LYRM4: variants seen among roughly 807,000 people sequenced by gnomAD.
The protein encoded by LYRM4 is LYR motif containing 4.
LYRM4 carries 9 observed loss-of-function variants against 11.7 expected under a neutral mutation model. The ratio of observed to expected loss-of-function variants is 0.77; its 90% CI spans 0.46 to 1.34. The LOEUF (loss-of-function observed/expected upper bound fraction) is 1.34. Ranked by LOEUF, LYRM4 falls within the 40% of genes most tolerant of loss-of-function variation. The probability of loss-of-function intolerance (pLI) is 0.00; values close to 1 mark genes in which losing one functional copy is unlikely to be tolerated. For synonymous variants in LYRM4, 42 were observed against 40.4 expected (o/e 1.04, Z -0.15); for missense variants, 133 against 112.5 (o/e 1.18, Z -0.82).
At chr6:5,057,823 G>T in the LYRM4 span, among the ~76,000 whole-genome samples, 1 of 151,658 alleles carries the variant, frequency 6.6e-6, no homozygotes, top group Non-Finnish European at 1.5e-5. Flanking sequence ...GTGCAGTGGT[G>T]CAATCATAGC....
rs1487960908 is a variant in LYRM4, at chr6:5,138,663, C to T, written c.208-29172G>A. On this transcript the variant is annotated intron_variant, in intron 2 of 2. Transcript: ENST00000330636. ...ATATTAAGGAATTCTAACATGCTCC[C>T]CACTGAAAACACAAGAAAATATCAA... 4.9e-6 allele frequency: 7 copies of T among 1,434,378 alleles called. No individual in the cohort carries two copies. The African/African-American group carries it at 7.1e-5, about 15-fold the overall frequency. The allele number at this position is 1,434,378 out of a possible 1,614,324, so 88.9% of individuals were successfully genotyped here. A position where few individuals can be genotyped will look rare whatever the true frequency, so the allele number is the denominator to read the frequency against.
At chr6:5,248,903 T>A (rs927563917) in intron 1 of LYRM4, among the ~76,000 whole-genome samples, 2 of 152,242 alleles carry the variant, frequency 1.3e-5, no homozygotes, top group Non-Finnish European at 2.9e-5. Context: ...AGGTACCCAA[T>A]AAATGTTTGC....
chr6:5,251,218 G>A (rs1459824429), intron 1 of LYRM4, among the ~76,000 whole-genome samples: 1 of 152,214 alleles, frequency 6.6e-6, no homozygotes, highest in Non-Finnish European at 1.5e-5. Flanking sequence ...ATATTAGGAA[G>A]AAATGGATTT....
the LYRM4 span, among the ~76,000 whole-genome samples, chr6:5,047,694 G>A: frequency 6.6e-6 from 1 of 152,248 alleles, no homozygotes; most frequent in African/African-American, 2.4e-5. Context: ...CCCTGCCTTG[G>A]TGGGAGTGAC....
intron 1 of LYRM4, among the ~76,000 whole-genome samples, chr6:5,231,869 A>G (rs1472176615): frequency 2.0e-5 from 3 of 152,220 alleles, no homozygotes; most frequent in Non-Finnish European, 4.4e-5. Context: ...GTAGGTCAAA[A>G]TATTTCCATG....
intron 1 of LYRM4, among the ~76,000 whole-genome samples, chr6:5,225,165 G>A (rs575010297): frequency 1.2e-4 from 18 of 148,958 alleles, no homozygotes; most frequent in South Asian, 8.5e-4. Context: ...GGAGAATGGC[G>A]TGAACCTGGG....
chr6:5,050,232 T>C, the LYRM4 span, among the ~76,000 whole-genome samples: 5 of 152,244 alleles, frequency 3.3e-5, no homozygotes, highest in Non-Finnish European at 5.9e-5. Context: ...TGGCTAATTT[T>C]AGCTCTTAGC....
intron 1 of LYRM4, among the ~76,000 whole-genome samples, chr6:5,227,429 C>G (rs1762957667): frequency 6.6e-6 from 1 of 152,126 alleles, no homozygotes; most frequent in South Asian, 2.1e-4. Context: ...GCAAATTGTA[C>G]AGAGAGTAGA....
At chr6:5,081,264 GA>G in the LYRM4 span, among the ~76,000 whole-genome samples, 1 of 152,040 alleles carries the variant, frequency 6.6e-6, no homozygotes. Context: ...GTCTCCGGGA[GA>G]AAGCTTAGGG....
intron 1 of LYRM4, among the ~76,000 whole-genome samples, chr6:5,242,440 C>A (rs1037938037): frequency 2.0e-5 from 3 of 150,674 alleles, no homozygotes; most frequent in African/African-American, 7.3e-5. Flanking sequence ...ATACATGAGG[C>A]TGGGCACAGT....
the LYRM4 span, chr6:5,086,096 C>T: frequency 1.4e-6 from 2 of 1,467,108 alleles, no homozygotes; most frequent in Non-Finnish European, 1.8e-6. Flanking sequence ...TTCCAGCTCC[C>T]GGGGCCGAGC....
chr6:5,113,536 G>A (rs1250045660), intron 2 of LYRM4: 1 of 281,496 alleles, frequency 3.6e-6, no homozygotes, highest in Non-Finnish European at 7.1e-6. Flanking sequence ...ACCCACCCTT[G>A]CAAGTTCAAG....
intron 1 of LYRM4, among the ~76,000 whole-genome samples, chr6:5,233,988 C>T (rs901322953): frequency 1.3e-5 from 2 of 152,240 alleles, no homozygotes; most frequent in African/African-American, 4.8e-5. Flanking sequence ...CTACAGCCTG[C>T]CCTTTCACCC....
the LYRM4 span, among the ~76,000 whole-genome samples, chr6:5,059,973 A>G: frequency 3.3e-5 from 5 of 152,014 alleles, no homozygotes; most frequent in South Asian, 8.3e-4. Flanking sequence ...GCTTTAATCT[A>G]TCTTTTGTCA....
intron 2 of LYRM4, among the ~76,000 whole-genome samples, chr6:5,116,730 C>T (rs930942213): frequency 6.6e-6 from 1 of 152,162 alleles, no homozygotes; most frequent in Non-Finnish European, 1.5e-5. Flanking sequence ...GCATTAGAGT[C>T]CATTGGAAAA....
chr6:5,133,440 CA>C (rs1764047856), intron 2 of LYRM4, among the ~76,000 whole-genome samples: 7 of 152,136 alleles, frequency 4.6e-5, no homozygotes, highest in Admixed American at 4.6e-4. Flanking sequence ...AGGAAGGCTC[CA>C]AAGACACGAT....
rs965522598 is a variant in LYRM4 at position 5,185,397 on chromosome 6, A to T, written c.207+31221T>A. Reference sequence around the variant, plus strand: ...CATGGCTTGTCTTCTGCTAGAGCATAAGCTTCTGTAGACATACCAACAAAT... The same window carrying T: ...CATGGCTTGTCTTCTGCTAGAGCATTAGCTTCTGTAGACATACCAACAAAT... On this transcript the variant is annotated intron_variant, in intron 2 of 2. Coordinates refer to ENST00000330636, the MANE Select transcript of LYRM4 (RefSeq NM_020408.6). Among the ~76,000 whole-genome samples the T allele has an allele frequency of 4.6e-5, 7 of 152,288 alleles. No homozygotes were observed. The South Asian group carries it at 1.0e-3, about 23-fold the overall frequency.
At chr6:5,057,329 T>C in the LYRM4 span, among the ~76,000 whole-genome samples, 3 of 152,086 alleles carry the variant, frequency 2.0e-5, no homozygotes, top group African/African-American at 2.4e-5. Context: ...ATCTTCTTCC[T>C]TCCCTCTCCT....
intron 2 of LYRM4, among the ~76,000 whole-genome samples, chr6:5,123,539 GT>G (rs1763561717): frequency 6.6e-6 from 1 of 152,214 alleles, no homozygotes; most frequent in African/African-American, 2.4e-5. Context: ...CAAAACTGAC[GT>G]TCAGGCAGCA....
Sources: gnomAD v4.1 joint callset for allele counts (sites outside exome capture counted in the v4.1 genomes callset) on GRCh38, gnomAD v4.1.1 for gene constraint, MANE v1.5 for transcripts, NCBI Gene and HGNC (gene_info 2026-07-23, HGNC 2026-07-21) for gene names.